FAM184A: variants seen among roughly 807,000 people sequenced by gnomAD.
FAM184A encodes protein FAM184A.
A neutral mutation model predicts 143.8 loss-of-function variants in FAM184A; 99 were observed. The ratio of observed to expected loss-of-function variants is 0.69; its 90% confidence interval spans 0.58 to 0.81. FAM184A has a LOEUF of 0.81. Among genes scored for constraint, FAM184A ranks in the 40% least tolerant of loss-of-function variants. The pLI, the probability that FAM184A is intolerant of heterozygous loss-of-function variation, is 0.00. For missense variants in FAM184A, 1,217 were observed against 1,310.5 expected, an observed-to-expected ratio of 0.93 and a Z score of 1.10; for synonymous variants, 427 against 446.4, an observed-to-expected ratio of 0.96 and a Z score of 0.55.
At chr6:119,138,529 T>C (rs1383867693) in intron 1 of FAM184A, among the ~76,000 whole-genome samples, 2 of 152,148 alleles carry the variant, frequency 1.3e-5, no homozygotes, top group East Asian at 1.9e-4. Flanking sequence ...AAGCCAGCAA[T>C]GGCCAGTCAA....
intron 1 of FAM184A, among the ~76,000 whole-genome samples, chr6:119,055,895 C>T (rs1436570102): frequency 1.3e-5 from 2 of 152,028 alleles, no homozygotes; most frequent in African/African-American, 4.8e-5. Context: ...CCACAATCTC[C>T]ACTTTTCTGG....
rs140847518 is a variant in FAM184A at position 119,116,021 on chromosome 6, CGAGAGA to C, written c.-202+33051_-202+33056del. Among the ~76,000 whole-genome samples, 4 of 115,536 alleles carry C rather than the reference CGAGAGA, an allele frequency of 3.5e-5. No homozygotes were observed. In the East Asian group the frequency reaches 8.0e-4, roughly 23 times the overall value. 75.8% of individuals were successfully genotyped at this position (115,536 alleles called of 152,430 possible). ...CACACACACACATACACACACACAA[CGAGAGA>C]GAGAGAGAGCAGGGACTAGAGACTG... On this transcript the variant is annotated intron_variant, in intron 1 of 16. Transcript: ENST00000352896.
At chr6:118,961,732 G>A in intron 17 of FAM184A, 29 bp downstream of exon 17, 1 of 1,577,336 alleles carries the variant, frequency 6.3e-7, no homozygotes, top group Non-Finnish European at 8.7e-7. Flanking sequence ...AAAAAGAAAA[G>A]AAAAAAACAT....
chr6:119,046,789 C>T (rs2114737846), intron 1 of FAM184A, among the ~76,000 whole-genome samples: 1 of 152,212 alleles, frequency 6.6e-6, no homozygotes, highest in African/African-American at 2.4e-5. Context: ...CCGCTATAAC[C>T]ATTATATGGT....
At chr6:119,100,659 C>T (rs982157378) in intron 1 of FAM184A, among the ~76,000 whole-genome samples, 2 of 145,676 alleles carry the variant, frequency 1.4e-5, no homozygotes, top group Non-Finnish European at 1.5e-5. Flanking sequence ...TTTTCTTGAA[C>T]ATTAAAAATA....
chr6:119,102,784 CAAAAAAAAAAAA>C (rs58686018), intron 1 of FAM184A, among the ~76,000 whole-genome samples: 2 of 30,112 alleles, frequency 6.6e-5, no homozygotes, highest in Admixed American at 3.0e-4. Context: ...GACTCCATCT[CAAAAAAAAAAAA>C]AAAAAAAAAA....
intron 1 of FAM184A, among the ~76,000 whole-genome samples, chr6:119,100,547 G>A (rs1788612995): frequency 1.3e-5 from 2 of 152,116 alleles, no homozygotes; most frequent in African/African-American, 4.8e-5. Flanking sequence ...GGGCCGGAGG[G>A]ATATGGGCTG....
chr6:119,119,182 A>G (rs192369217), intron 1 of FAM184A, among the ~76,000 whole-genome samples: 228 of 151,872 alleles, frequency 1.5e-3, no homozygotes, highest in South Asian at 7.3e-3. Flanking sequence ...TATCAATGAC[A>G]ATGCGTGCCA....
At chr6:119,071,740 T>C (rs1216505964) in intron 1 of FAM184A, among the ~76,000 whole-genome samples, 2 of 151,854 alleles carry the variant, frequency 1.3e-5, no homozygotes, top group Non-Finnish European at 1.5e-5. Flanking sequence ...TAGACCAATC[T>C]AGAGAGCTGA....
At chr6:118,985,978 A>G (rs1784180547) in intron 9 of FAM184A, among the ~76,000 whole-genome samples, 1 of 152,176 alleles carries the variant, frequency 6.6e-6, no homozygotes, top group African/African-American at 2.4e-5. Context: ...CTAATGTGCT[A>G]TTACTGAGGA....
At chr6:119,070,532 A>T (rs1198239765) in intron 1 of FAM184A, among the ~76,000 whole-genome samples, 1 of 152,160 alleles carries the variant, frequency 6.6e-6, no homozygotes, top group Non-Finnish European at 1.5e-5. Flanking sequence ...TTTAGACCAC[A>T]CTTGACATAT....
At chr6:119,042,850 A>G (rs184285001) in intron 1 of FAM184A, among the ~76,000 whole-genome samples, 11 of 152,110 alleles carry the variant, frequency 7.2e-5, no homozygotes, top group Non-Finnish European at 1.2e-4. Context: ...GTTGGAGAAA[A>G]GGGGATGGGA....
rs974958433 is a variant in FAM184A at position 119,023,984 on chromosome 6, A to G, written c.989T>C (p.Leu330Pro). 1.3e-5 allele frequency: 21 copies of G among 1,600,166 alleles called. No homozygotes were observed. The highest frequency in any genetic ancestry group is 1.8e-5 in the Non-Finnish European group (21 of 1,175,948). ...LDKCQKLQTALAIAENNVQVL... is the reference protein window; with the variant it reads ...LDKCQKLQTAPAIAENNVQVL... ...CTGAACATTGTTCTCTGCTATGGCAAGTGCCGTCTGAAGCTTTTGGCATTT... is the reference window on the plus strand; with the variant it reads ...CTGAACATTGTTCTCTGCTATGGCAGGTGCCGTCTGAAGCTTTTGGCATTT... The change falls in exon 2 of 18, where the codon CTT (leucine) becomes CCT (proline). Residue 330 changes from leucine (L) to proline (P), a missense_variant. Leu to Pro is a moderately conservative substitution (Grantham distance 98). Transcript: ENST00000338891.
intron 9 of FAM184A, among the ~76,000 whole-genome samples, chr6:118,982,476 C>T (rs536999519): frequency 6.6e-6 from 1 of 152,304 alleles, no homozygotes; most frequent in Admixed American, 6.5e-5. Flanking sequence ...TTACTTGGCA[C>T]CTGACCAAGT....
At chr6:119,137,871 C>T (rs927247125) in intron 1 of FAM184A, among the ~76,000 whole-genome samples, 1 of 152,232 alleles carries the variant, frequency 6.6e-6, no homozygotes, top group African/African-American at 2.4e-5. Context: ...ACAGCAGTCA[C>T]TGCTCCAGTC....
chr6:118,985,374 G>A (rs565741445), intron 9 of FAM184A, among the ~76,000 whole-genome samples: 2 of 152,284 alleles, frequency 1.3e-5, no homozygotes, highest in South Asian at 4.2e-4. Flanking sequence ...CTGCAGATGT[G>A]GATGAGGTGG....
chr6:119,007,455 T>C (rs538042669), intron 6 of FAM184A, among the ~76,000 whole-genome samples: 2 of 152,230 alleles, frequency 1.3e-5, no homozygotes, highest in East Asian at 1.9e-4. Flanking sequence ...CCCCTCTCTA[T>C]GCAGGTATAT....
At chr6:119,007,606 A>T (rs1784961491) in intron 6 of FAM184A, among the ~76,000 whole-genome samples, 1 of 152,144 alleles carries the variant, frequency 6.6e-6, no homozygotes, top group South Asian at 2.1e-4. Flanking sequence ...CCTGTTTTTT[A>T]AAAGTTTGGT....
intron 9 of FAM184A, among the ~76,000 whole-genome samples, chr6:118,991,379 A>G (rs1390271081): frequency 6.6e-6 from 1 of 151,978 alleles, no homozygotes; most frequent in Non-Finnish European, 1.5e-5. Flanking sequence ...CAGGCTGGTC[A>G]CGAACTCCTG....
Sources: allele counts gnomAD v4.1 joint callset (sites outside exome capture counted in the v4.1 genomes callset), GRCh38; gene constraint gnomAD v4.1.1; transcripts MANE v1.5; gene names NCBI Gene and HGNC (gene_info 2026-07-23, HGNC 2026-07-21).